Variants in PCDHA2 observed in about 807,000 individuals in gnomAD.
PCDHA2 encodes protocadherin alpha-2.
In PCDHA2, 58 loss-of-function variants were observed where a neutral mutation model predicts 66.0. The observed-to-expected ratio is 0.88, with a 90% CI of 0.71 to 1.09. The LOEUF is 1.09. Among genes scored for constraint, PCDHA2 ranks in the 50% least tolerant of loss-of-function variants. The pLI is 0.00. For missense variants in PCDHA2, 1,267 were observed against 1,242.3 expected (o/e 1.02, Z -0.30); for synonymous variants, 634 against 554.0 (o/e 1.14, Z -2.03).
rs371283858 is a variant in PCDHA2 at position 140,808,405 on chromosome 5, G to C, written c.2388+11053G>C. ...TGTCCACCTTCAAGAATTACTACTC[G>C]TTGGTGCTGGACAGTGCCCTGGACC... On this transcript the variant is annotated intron_variant, in intron 1 of 3. Coordinates refer to ENST00000526136, the MANE Select transcript of PCDHA2 (RefSeq NM_018905.3). The C allele has an allele frequency of 5.0e-6, 8 of 1,614,044 alleles. No individual in the cohort carries two copies. In the African/African-American group the frequency reaches 6.7e-5, roughly 13 times the overall value.
At chr5:140,924,812 T>G (rs947021976) in intron 1 of PCDHA2, among the ~76,000 whole-genome samples, 2 of 151,424 alleles carry the variant, frequency 1.3e-5, no homozygotes, top group African/African-American at 4.9e-5. Flanking sequence ...AGAGAATCGC[T>G]TGAACCTGGG....
At chr5:140,914,930 T>C (rs1474677743) in intron 1 of PCDHA2, among the ~76,000 whole-genome samples, 1 of 150,038 alleles carries the variant, frequency 6.7e-6, no homozygotes, top group Non-Finnish European at 1.5e-5. Flanking sequence ...TTGTACTATG[T>C]TGTGAAAAGT....
intron 1 of PCDHA2, chr5:140,857,282 C>T: frequency 6.3e-7 from 1 of 1,598,744 alleles, no homozygotes; most frequent in Non-Finnish European, 8.6e-7. Flanking sequence ...GGACAGCGCT[C>T]TGGACCGCGA....
rs2150325342 is a variant in PCDHA2, at chr5:140,841,910, A to T, written c.2388+44558A>T. 3.1e-6 allele frequency: 5 copies of T among 1,613,810 alleles called. No individual in the cohort carries two copies. In the African/African-American group the frequency reaches 6.7e-5, roughly 22 times the overall value. ...GAATAAACTGGTTGAGCTCGTATTA[A>T]GAAAATCCTTGGACAGAGAGGACGC... is the stretch of plus-strand genomic sequence containing the variant. On this transcript the variant is annotated intron_variant, in intron 1 of 3. Coordinates refer to ENST00000526136, the MANE Select transcript of PCDHA2 (RefSeq NM_018905.3).
chr5:140,807,804 C>A lies in PCDHA2; in HGVS notation c.2388+10452C>A, dbSNP rs370687848. 1.2e-5 allele frequency: 20 copies of A among 1,614,082 alleles called. No individual in the cohort carries two copies. The African/African-American group carries it at 1.7e-4, about 14-fold the overall frequency. On this transcript the variant is annotated intron_variant, in intron 1 of 3. Transcript: ENST00000526136. ...AAATCTTTAGACAGAGAAGAAGCTCCGGAGATTTTTTTAGTGCTCACAGCC... is the reference window on the plus strand; with the variant it reads ...AAATCTTTAGACAGAGAAGAAGCTCAGGAGATTTTTTTAGTGCTCACAGCC...
rs1554262627 is a variant in PCDHA2 at position 141,009,982 on chromosome 5, T to C, written c.*45T>C. On this transcript the variant is annotated 3_prime_UTR_variant, in exon 4 of 4. Transcript: ENST00000526136. ...GCCACTTAGCCAGTTTTTGTAATAA[T>C]GGCAAATCTCTCCCATGTAGCAATT... 1 of 1,582,572 alleles carries C rather than the reference T, an allele frequency of 6.3e-7. No homozygotes were observed. Among genetic ancestry groups the C allele is most frequent in the East Asian group, 2.2e-5 (1 of 44,666 alleles).
intron 1 of PCDHA2, among the ~76,000 whole-genome samples, chr5:140,799,428 C>T (rs541986774): frequency 6.6e-6 from 1 of 152,020 alleles, no homozygotes; most frequent in South Asian, 2.1e-4. Context: ...TAGCTACCAT[C>T]TTTAAAAATT....
At chr5:140,812,159 G>GTTGTTGTTGTTGTTT (rs1248531146) in intron 1 of PCDHA2, 2 of 151,474 alleles carry the variant, frequency 1.3e-5, no homozygotes, top group Non-Finnish European at 2.9e-5. Flanking sequence ...TGTTGTTGTT[G>GTTGTTGTTGTTGTTT]TTGTTAGGAG....
chr5:140,952,301 T>G (rs246036), intron 1 of PCDHA2, among the ~76,000 whole-genome samples: 84,430 of 149,404 alleles, frequency 0.57, 24,448 homozygotes, highest in African/African-American at 0.7. Flanking sequence ...CACAGCCATT[T>G]CACTCCAGCC....
At chr5:140,858,633 TTTGA>T (rs1554151907) in intron 1 of PCDHA2, 1 of 1,010,458 alleles carries the variant, frequency 9.9e-7, no homozygotes, top group Non-Finnish European at 1.4e-6. Context: ...TGTGTCAGCC[TTTGA>T]TTGGTACTTA....
At position 140,846,335 on chromosome 5, in the gene PCDHA2, T is replaced by C. The variant is rs2150387066; in HGVS notation, c.2388+48983T>C. On this transcript the variant is annotated intron_variant, in intron 1 of 3. Transcript: ENST00000526136. The stretch of plus-strand genomic sequence containing the variant: ...ATGTAGAGTGTTGTAAATAGCCTTT[T>C]AAAGTGCTTTCTCTTTTTTCTTTTC... Among the ~76,000 whole-genome samples, 8 of 148,836 alleles carry C rather than the reference T, an allele frequency of 5.4e-5. 1 individual carries two copies. Among genetic ancestry groups the C allele is most frequent in the African/African-American group, 2.0e-4 (8 of 40,850 alleles).
In PCDHA2 at chr5:140,928,308, C is replaced by T. The variant is rs1554205728; in HGVS notation, c.2389-50641C>T. On this transcript the variant is annotated intron_variant, in intron 1 of 3. Transcript: ENST00000526136. The stretch of plus-strand genomic sequence containing the variant: ...TAGGCCGAGTGTTTGCCCAGGACCC[C>T]GACCTGGGGAAGAATGGCCTTGTCT... 3.7e-6 allele frequency: 6 copies of T among 1,614,008 alleles called. No individual in the cohort carries two copies. The South Asian group carries it at 5.5e-5, about 15-fold the overall frequency.
At chr5:140,936,571 C>G (rs2153629502) in intron 1 of PCDHA2, among the ~76,000 whole-genome samples, 1 of 152,342 alleles carries the variant, frequency 6.6e-6, no homozygotes, top group African/African-American at 2.4e-5. Flanking sequence ...ATATTTTCCA[C>G]TTGTAAATCC....
chr5:140,875,984 C>T (rs2056022183), intron 1 of PCDHA2: 1 of 1,613,870 alleles, frequency 6.2e-7, no homozygotes, highest in East Asian at 2.2e-5. Flanking sequence ...TTGACCTATG[C>T]GTTAAGTCTA....
At chr5:140,908,530 T>G (rs1554193400) in intron 1 of PCDHA2, among the ~76,000 whole-genome samples, 1 of 152,148 alleles carries the variant, frequency 6.6e-6, no homozygotes, top group African/African-American at 2.4e-5. Flanking sequence ...AATGTTCAGT[T>G]TCCACCAAAG....
intron 1 of PCDHA2, among the ~76,000 whole-genome samples, chr5:140,890,258 A>G (rs2062565845): frequency 6.6e-6 from 1 of 152,030 alleles, no homozygotes; most frequent in East Asian, 1.9e-4. Flanking sequence ...ACTGCACCTG[A>G]TTGCAAGCAA....
intron 1 of PCDHA2, chr5:140,807,118 G>C: frequency 6.5e-7 from 1 of 1,530,056 alleles, no homozygotes; most frequent in Non-Finnish European, 8.9e-7. Context: ...GCACTTGACT[G>C]ACCGATTAAA....
At chr5:140,803,842 A>G (rs1293564030) in intron 1 of PCDHA2, 6 of 602,420 alleles carry the variant, frequency 1.0e-5, no homozygotes, top group Non-Finnish European at 1.7e-5. Context: ...GAATTATTTT[A>G]TTGCTAAATG....
In PCDHA2 at chr5:140,937,565, T is replaced by C. The variant is rs528061401; in HGVS notation, c.2389-41384T>C. ...CTGCGAGGCAGAGGTTGCAGTGAGC[T>C]GGGATCGCGTCACTGCACTCTAGCC... On this transcript the variant is annotated intron_variant, in intron 1 of 3. Transcript: ENST00000526136. Among the ~76,000 whole-genome samples the C allele has an allele frequency of 1.9e-3, 290 of 151,276 alleles. 1 individual carries two copies. The highest frequency in any genetic ancestry group is 6.8e-3 in the African/African-American group (279 of 40,958).
Sources: allele counts gnomAD v4.1 joint callset (sites outside exome capture counted in the v4.1 genomes callset), GRCh38; gene constraint gnomAD v4.1.1; transcripts MANE v1.5; gene names NCBI Gene and HGNC (gene_info 2026-07-23, HGNC 2026-07-21).